EIF3H: variants seen among roughly 807,000 people sequenced by gnomAD.
EIF3H encodes eIF-3-gamma.
In EIF3H, 26 loss-of-function variants were observed where a neutral mutation model predicts 44.2. The observed-to-expected ratio is 0.59, with a 90% CI of 0.43 to 0.82. The LOEUF (loss-of-function observed/expected upper bound fraction) is 0.82, where lower values mean the gene tolerates loss of function less well. Ranked by LOEUF, EIF3H falls within the 40% of genes least tolerant of loss-of-function variation. The pLI, the probability that EIF3H is intolerant of heterozygous loss-of-function variation, is 0.00. For synonymous variants in EIF3H, 166 were observed against 151.9 expected, an observed-to-expected ratio of 1.09 and a Z score of -0.68; for missense variants, 359 against 432.8, an observed-to-expected ratio of 0.83 and a Z score of 1.51.
chr8:116,711,435 G>C (rs977421615), intron 2 of EIF3H, among the ~76,000 whole-genome samples: 1 of 152,044 alleles, frequency 6.6e-6, no homozygotes, highest in Non-Finnish European at 1.5e-5. Context: ...CTGGTAGTTG[G>C]AGGAAGAAGA....
intron 1 of EIF3H, among the ~76,000 whole-genome samples, chr8:116,762,850 A>G (rs1456661744): frequency 6.6e-6 from 1 of 152,274 alleles, no homozygotes; most frequent in East Asian, 1.9e-4. Flanking sequence ...AGGCTGAGGC[A>G]GGAGAATCGC....
rs1204315939 is a variant in EIF3H at position 116,755,524 on chromosome 8, G to A, written c.132+142C>T. On this transcript the variant is annotated intron_variant, in intron 1 of 7. Coordinates refer to ENST00000521861, the MANE Select transcript of EIF3H (RefSeq NM_003756.3). ...TCGAAGCTCCTGAACAAAAAGTGAA[G>A]ATGAAAGAGAAACGTACTAGGGAAA... 4 of 1,101,260 alleles carry A rather than the reference G, an allele frequency of 3.6e-6. No homozygotes were observed. In the African/African-American group the frequency reaches 4.7e-5, roughly 13 times the overall value. 68.2% of individuals were successfully genotyped at this position (1,101,260 alleles called of 1,614,324 possible).
chr8:116,733,750 C>T (rs1046538309), intron 1 of EIF3H, among the ~76,000 whole-genome samples: 4 of 152,020 alleles, frequency 2.6e-5, no homozygotes, highest in Non-Finnish European at 5.9e-5. Context: ...AAAATAACCT[C>T]TATTGCAAGC....
intron 2 of EIF3H, among the ~76,000 whole-genome samples, chr8:116,675,002 G>A (rs977826922): frequency 2.0e-5 from 3 of 152,076 alleles, no homozygotes; most frequent in Non-Finnish European, 4.4e-5. Flanking sequence ...TGGAACTCTT[G>A]TCCATCTTTA....
At chr8:116,690,473 C>T (rs1814155592) in intron 2 of EIF3H, among the ~76,000 whole-genome samples, 1 of 152,012 alleles carries the variant, frequency 6.6e-6, no homozygotes, top group African/African-American at 2.4e-5. Flanking sequence ...GGAAGGAGGA[C>T]TGCTTGAGCC....
At chr8:116,709,039 T>A (rs983723486) in intron 2 of EIF3H, among the ~76,000 whole-genome samples, 2 of 151,716 alleles carry the variant, frequency 1.3e-5, no homozygotes, top group Non-Finnish European at 2.9e-5. Flanking sequence ...GAAATTATGG[T>A]CTAAATCGCA....
intron 1 of EIF3H, among the ~76,000 whole-genome samples, chr8:116,751,634 A>G (rs4876679): frequency 0.75 from 114,369 of 152,194 alleles, 43,710 homozygotes; most frequent in African/African-American, 0.8. Context: ...GGGTATTCAA[A>G]AGAGGCATTC....
chr8:116,701,641 A>G (rs193051598), intron 2 of EIF3H, among the ~76,000 whole-genome samples: 137 of 152,344 alleles, frequency 9.0e-4, no homozygotes, highest in Non-Finnish European at 1.5e-3. Context: ...ATTCACTTGT[A>G]TAATTCCCCA....
At chr8:116,701,045 T>C (rs1371138895) in intron 2 of EIF3H, among the ~76,000 whole-genome samples, 1 of 152,214 alleles carries the variant, frequency 6.6e-6, no homozygotes, top group African/African-American at 2.4e-5. Flanking sequence ...CTAAATATTG[T>C]GTTAAATTTA....
chr8:116,699,053 G>A (rs1187566868), intron 2 of EIF3H, among the ~76,000 whole-genome samples: 3 of 152,068 alleles, frequency 2.0e-5, no homozygotes, highest in Non-Finnish European at 4.4e-5. Flanking sequence ...GAAGGCTGAG[G>A]TGGGAGAATG....
intron 1 of EIF3H, among the ~76,000 whole-genome samples, chr8:116,738,476 C>T (rs1815079477): frequency 6.6e-6 from 1 of 152,140 alleles, no homozygotes; most frequent in Admixed American, 6.5e-5. Flanking sequence ...TACAAATTGC[C>T]AGAAAATATG....
chr8:116,740,404 CAGG>C (rs142749110), intron 1 of EIF3H, among the ~76,000 whole-genome samples: 2,356 of 152,260 alleles, frequency 0.015, 51 homozygotes, highest in African/African-American at 0.053. Context: ...GCTGCTTCTA[CAGG>C]AGATGACAGG....
intron 2 of EIF3H, among the ~76,000 whole-genome samples, chr8:116,687,563 C>CA (rs954039081): frequency 6.6e-6 from 1 of 152,070 alleles, no homozygotes; most frequent in African/African-American, 2.4e-5. Context: ...TAGGAATTCA[C>CA]AAAAAATTGA....
chr8:116,715,026 A>G (rs1416206611), intron 2 of EIF3H, among the ~76,000 whole-genome samples: 1 of 152,100 alleles, frequency 6.6e-6, no homozygotes, highest in Non-Finnish European at 1.5e-5. Context: ...GATTTTCTCC[A>G]ATGTAAAACA....
chr8:116,662,448 A>G (rs527837745), intron 2 of EIF3H, among the ~76,000 whole-genome samples: 1 of 152,288 alleles, frequency 6.6e-6, no homozygotes, highest in South Asian at 2.1e-4. Flanking sequence ...GTTTGAAAAG[A>G]GCTCACTTTG....
Position 116,714,250 on chromosome 8 carries a change from A to T in EIF3H, c.289+11766T>A, listed in dbSNP as rs140719552. Reference sequence around the variant, plus strand: ...AAAAGACACAACTTTCTTGTTTAACAGTTTCTTAAAATTGCAACTGACATC... The same window carrying T: ...AAAAGACACAACTTTCTTGTTTAACTGTTTCTTAAAATTGCAACTGACATC... On this transcript the variant is annotated intron_variant, in intron 2 of 7. Transcript: ENST00000521861. Among the ~76,000 whole-genome samples the T allele has an allele frequency of 5.9e-3, 901 of 152,248 alleles. 6 individuals are homozygous for T. The highest frequency in any genetic ancestry group is 0.02 in the African/African-American group (828 of 41,582).
chr8:116,666,562 A>G (rs1038496227), intron 2 of EIF3H, among the ~76,000 whole-genome samples: 2 of 152,074 alleles, frequency 1.3e-5, no homozygotes, highest in Non-Finnish European at 2.9e-5. Flanking sequence ...CACATAGTGG[A>G]AGATAGAGAG....
intron 2 of EIF3H, among the ~76,000 whole-genome samples, chr8:116,709,407 T>C (rs1814534021): frequency 6.6e-6 from 1 of 152,224 alleles, no homozygotes; most frequent in Non-Finnish European, 1.5e-5. Flanking sequence ...TAAGGGTATG[T>C]TAATTTCTAT....
At chr8:116,678,115 G>C (rs969718811) in intron 2 of EIF3H, among the ~76,000 whole-genome samples, 10 of 150,748 alleles carry the variant, frequency 6.6e-5, no homozygotes, top group East Asian at 2.0e-4. Context: ...TCAGCCTGCC[G>C]AGTGCCTGCG....
Sources: gnomAD v4.1 joint callset for allele counts (sites outside exome capture counted in the v4.1 genomes callset) on GRCh38, gnomAD v4.1.1 for gene constraint, MANE v1.5 for transcripts, NCBI Gene and HGNC (gene_info 2026-07-23, HGNC 2026-07-21) for gene names.